Variants in NRTN observed in about 807,000 individuals in gnomAD.
The protein encoded by NRTN is prepro-neurturin.
NRTN carries 3 observed loss-of-function variants against 7.5 expected under a neutral mutation model. That is an observed-to-expected ratio of 0.40 (90% CI 0.18 to 1.03). The LOEUF (loss-of-function observed/expected upper bound fraction) is 1.03. Among genes scored for constraint, NRTN ranks in the 50% least tolerant of loss-of-function variants. NRTN has a pLI of 0.34. For missense variants in NRTN, 310 were observed against 307.0 expected, an observed-to-expected ratio of 1.01 and a Z score of -0.07; for synonymous variants, 157 against 146.6, an observed-to-expected ratio of 1.07 and a Z score of -0.51.
chr19:5,824,047 C>T lies in NRTN; in HGVS notation c.-119C>T, dbSNP rs762411290. On this transcript the variant is annotated 5_prime_UTR_variant, in exon 2 of 3. Transcript: ENST00000303212. ...CATTCCCATGTGATTATCGACCATT[C>T]GGCAGGCGTTCAAAGTCAAAGGCCC... The T allele has an allele frequency of 2.4e-5, 31 of 1,277,146 alleles. No homozygotes were observed. Among genetic ancestry groups the T allele is most frequent in the African/African-American group, 4.4e-5 (3 of 68,594 alleles). 79.1% of individuals were successfully genotyped at this position (1,277,146 alleles called of 1,614,324 possible). A position where few individuals can be genotyped will look rare whatever the true frequency, so the allele number is the denominator to read the frequency against.
In NRTN at chr19:5,825,747, T is replaced by G. The variant is rs372249111; in HGVS notation, c.169+1413T>G. On this transcript the variant is annotated intron_variant, in intron 2 of 2. Transcript: ENST00000303212. ...CTCCCCAAGTCCCCATGTTCTAGGC[T>G]CCTGGTGGAATTTCAGGCTGGGGAC... Among the ~76,000 whole-genome samples the G allele has an allele frequency of 9.2e-5, 14 of 152,302 alleles. No homozygotes were observed. The East Asian group carries it at 1.9e-3, about 21-fold the overall frequency.
At chr19:5,824,412 G>A (rs958870601) in intron 2 of NRTN, 78 bp downstream of exon 2, 37 of 1,408,030 alleles carry the variant, frequency 2.6e-5, no homozygotes, top group Admixed American at 7.5e-5. Context: ...GGGAGGTGGT[G>A]GGGGGGTGTC....
Position 5,827,801 on chromosome 19 carries a change from G to C in NRTN, c.222G>C (p.Thr74=), listed in dbSNP as rs1175072711. 2.9e-5 allele frequency: 34 copies of C among 1,189,446 alleles called. No homozygotes were observed. Among genetic ancestry groups the C allele is most frequent in the Non-Finnish European group, 3.5e-5 (34 of 960,186 alleles). 73.7% of individuals were successfully genotyped at this position (1,189,446 alleles called of 1,614,324 possible). ...ATGCGATGGAGCTGCGCGAGCTGACGCCCTGGGCTGGGCGGCCCCCAGGTC... is the reference window on the plus strand; with the variant it reads ...ATGCGATGGAGCTGCGCGAGCTGACCCCCTGGGCTGGGCGGCCCCCAGGTC... ...APDAMELREL[T]PWAGRPPGPR... The change falls in exon 3 of 3, where the codon ACG becomes ACC. Residue 74 remains threonine (T), a synonymous_variant. Transcript: ENST00000303212.
chr19:5,828,051 C>T lies in NRTN; in HGVS notation c.472C>T (p.Arg158Trp), dbSNP rs1210032774. 5 of 1,420,560 alleles carry T rather than the reference C, an allele frequency of 3.5e-6. No homozygotes were observed. Among genetic ancestry groups the T allele is most frequent in the Non-Finnish European group, 4.6e-6 (5 of 1,094,734 alleles). 88.0% of individuals were successfully genotyped at this position (1,420,560 alleles called of 1,614,324 possible). A position where few individuals can be genotyped will look rare whatever the true frequency, so the allele number is the denominator to read the frequency against. The change falls in exon 3 of 3, where the codon CGG becomes TGG. Residue 158 changes from arginine to tryptophan, a missense_variant. Coordinates refer to ENST00000303212, the MANE Select transcript of NRTN (RefSeq NM_004558.5). ...CCAGCGGCGGCGCCTGCGGCGGGAG[C>T]GGGTGCGCGCGCAGCCCTGCTGCCG... ...LRQRRRLRRE[R>W]VRAQPCCRPT...
intron 1 of NRTN, among the ~76,000 whole-genome samples, chr19:5,811,661 T>C (rs1174236831): frequency 1.3e-5 from 2 of 151,672 alleles, no homozygotes; most frequent in African/African-American, 4.8e-5. Flanking sequence ...TCCTCCTGAG[T>C]AGCTGGGACT....
intron 1 of NRTN, among the ~76,000 whole-genome samples, chr19:5,817,218 G>C (rs1392692694): frequency 6.6e-6 from 1 of 151,970 alleles, no homozygotes; most frequent in African/African-American, 2.4e-5. Context: ...GCGAGGCATG[G>C]TGGCACACAC....
intron 2 of NRTN, among the ~76,000 whole-genome samples, chr19:5,825,035 T>A (rs1228469518): frequency 6.6e-6 from 1 of 151,636 alleles, no homozygotes. Flanking sequence ...GGATCTGAGG[T>A]CCCAGTGACC....
chr19:5,817,460 AG>A (rs2057008555), intron 1 of NRTN, among the ~76,000 whole-genome samples: 1 of 78,038 alleles, frequency 1.3e-5, no homozygotes, highest in African/African-American at 5.8e-5. Context: ...AGGGAAAGAG[AG>A]AAAGAGAGGA....
At chr19:5,813,521 A>G (rs903969583) in intron 1 of NRTN, among the ~76,000 whole-genome samples, 16 of 152,158 alleles carry the variant, frequency 1.1e-4, no homozygotes, top group African/African-American at 3.9e-4. Flanking sequence ...AAAATACAAA[A>G]AAATTAACCA....
At position 5,823,978 on chromosome 19, in the gene NRTN, C is replaced by A; in HGVS notation, c.-188C>A. 1.3e-6 allele frequency: 1 copy of A among 784,746 alleles called. No homozygotes were observed. The highest frequency in any genetic ancestry group is 2.1e-6 in the Non-Finnish European group (1 of 485,598). 48.6% of individuals were successfully genotyped at this position (784,746 alleles called of 1,614,324 possible). On this transcript the variant is annotated 5_prime_UTR_variant, in exon 2 of 3. Transcript: ENST00000303212. The stretch of plus-strand genomic sequence containing the variant: ...GGGGGCGGTTCCCTGTGACTCCTGG[C>A]ACGGAGGCCAACCCCTTCCTTGTTC...
At position 5,828,126 on chromosome 19, in the gene NRTN, T is replaced by C. The variant is rs1344139994; in HGVS notation, c.547T>C (p.Tyr183His). ...EVSFLDAHSRYHTVHELSARE... is the reference protein window; with the variant it reads ...EVSFLDAHSRHHTVHELSARE... ...GTCCTTCCTGGACGCGCACAGCCGCTACCACACGGTGCACGAGCTGTCGGC... is the reference window on the plus strand; with the variant it reads ...GTCCTTCCTGGACGCGCACAGCCGCCACCACACGGTGCACGAGCTGTCGGC... The change falls in exon 3 of 3, where the codon TAC (tyrosine) becomes CAC (histidine). Residue 183 changes from tyrosine to histidine, a missense_variant. Coordinates refer to ENST00000303212, the MANE Select transcript of NRTN (RefSeq NM_004558.5). The C allele has an allele frequency of 4.6e-6, 7 of 1,513,818 alleles. No homozygotes were observed. The Admixed American group carries it at 1.2e-4, about 27-fold the overall frequency. 93.8% of individuals were successfully genotyped at this position (1,513,818 alleles called of 1,614,324 possible).
chr19:5,812,921 C>T (rs555110549), intron 1 of NRTN, among the ~76,000 whole-genome samples: 14 of 152,304 alleles, frequency 9.2e-5, no homozygotes, highest in Admixed American at 2.0e-4. Context: ...TATGCCGCGG[C>T]GTTCACACAC....
chr19:5,822,935 G>A (rs2057030644), intron 1 of NRTN, among the ~76,000 whole-genome samples: 1 of 151,878 alleles, frequency 6.6e-6, no homozygotes, highest in Admixed American at 6.6e-5. Flanking sequence ...GAGGTGGGAG[G>A]ATCGCTTGAG....
At chr19:5,808,469 G>A (rs899518196) in intron 1 of NRTN, among the ~76,000 whole-genome samples, 13 of 152,304 alleles carry the variant, frequency 8.5e-5, no homozygotes, top group African/African-American at 3.1e-4. Flanking sequence ...GCCAGAAATG[G>A]TGGGTCTAAG....
chr19:5,824,274 C>A lies in NRTN; in HGVS notation c.109C>A (p.Leu37Met). ...LLLSHRLGPALVPLHRLPRTL... is the reference protein window; with the variant it reads ...LLLSHRLGPAMVPLHRLPRTL... ...TCTCAGCCACCGCCTCGGACCTGCG[C>A]TGGTCCCCCTGCACCGCCTGCCTCG... Residue 37 changes from leucine (L) to methionine (M), a missense_variant, in exon 2 of 3, where the codon CTG becomes ATG. Leu to Met is a conservative substitution (Grantham distance 15). Coordinates refer to ENST00000303212, the MANE Select transcript of NRTN (RefSeq NM_004558.5). The A allele has an allele frequency of 6.2e-7, 1 of 1,610,412 alleles. No individual in the cohort carries two copies. The highest frequency in any genetic ancestry group is 1.1e-5 in the South Asian group (1 of 90,736).
intron 1 of NRTN, among the ~76,000 whole-genome samples, chr19:5,822,738 C>T (rs959545564): frequency 7.2e-5 from 11 of 152,164 alleles, no homozygotes; most frequent in Admixed American, 3.9e-4. Flanking sequence ...CAGTGACTCA[C>T]GCCTGTAATC....
intron 1 of NRTN, among the ~76,000 whole-genome samples, chr19:5,808,663 G>T (rs1403203270): frequency 6.6e-6 from 1 of 151,996 alleles, no homozygotes; most frequent in Non-Finnish European, 1.5e-5. Context: ...CTCCAGCCAC[G>T]CTGGTCATCT....
At chr19:5,823,023 CAAAA>C (rs1298204482) in intron 1 of NRTN, among the ~76,000 whole-genome samples, 3 of 107,726 alleles carry the variant, frequency 2.8e-5, no homozygotes, top group East Asian at 2.7e-4. Flanking sequence ...GACCCTGTCT[CAAAA>C]AAAAAGAAAG....
chr19:5,807,455 G>A (rs1244264832), intron 1 of NRTN, among the ~76,000 whole-genome samples: 7 of 152,164 alleles, frequency 4.6e-5, no homozygotes, highest in African/African-American at 9.7e-5. Context: ...GGTTGGGGTC[G>A]GGAGATGGAC....
Sources: gnomAD v4.1 joint callset for allele counts (sites outside exome capture counted in the v4.1 genomes callset) on GRCh38, gnomAD v4.1.1 for gene constraint, MANE v1.5 for transcripts, NCBI Gene and HGNC (gene_info 2026-07-23, HGNC 2026-07-21) for gene names.